AFTPH: variants seen among roughly 807,000 people sequenced by gnomAD.
AFTPH encodes aftiphilin protein.
AFTPH carries 7 observed loss-of-function variants against 72.5 expected under a neutral mutation model. That is an observed-to-expected ratio of 0.10 (90% CI 0.05 to 0.18). The LOEUF (loss-of-function observed/expected upper bound fraction) is 0.18. Ranked by LOEUF, AFTPH falls within the 10% of genes least tolerant of loss-of-function variation. AFTPH has a pLI of 1.00. For missense variants in AFTPH, 979 were observed against 1,060.5 expected, an observed-to-expected ratio of 0.92 and a Z score of 1.07; for synonymous variants, 337 against 370.1, an observed-to-expected ratio of 0.91 and a Z score of 1.03.
At chr2:64,548,910 A>G (rs1163181924) in intron 1 of AFTPH, among the ~76,000 whole-genome samples, 1 of 152,226 alleles carries the variant, frequency 6.6e-6, no homozygotes, top group African/African-American at 2.4e-5. Context: ...AAGTAGATAT[A>G]TTACAATGGA....
chr2:64,531,177 A>G (rs978912873), intron 1 of AFTPH, among the ~76,000 whole-genome samples: 1 of 151,922 alleles, frequency 6.6e-6, no homozygotes. Context: ...GGTTTTCCAG[A>G]TTTTACCATC....
intron 7 of AFTPH, 48 bp downstream of exon 7, chr2:64,579,594 G>A: frequency 6.5e-7 from 1 of 1,526,854 alleles, no homozygotes; most frequent in Non-Finnish European, 9.0e-7. Context: ...AGTTAAGAAA[G>A]CTACAAAGTT....
intron 2 of AFTPH, among the ~76,000 whole-genome samples, chr2:64,563,296 A>G (rs1049075034): frequency 5.3e-5 from 8 of 152,152 alleles, no homozygotes; most frequent in Non-Finnish European, 1.2e-4. Context: ...ATTGTATTGT[A>G]AAACAGATGA....
exon 2 of AFTPH, chr2:64,551,662 A>G: frequency 6.2e-7 from 1 of 1,614,042 alleles, no homozygotes; most frequent in Non-Finnish European, 8.5e-7. Flanking sequence ...GTACCTTCAA[A>G]CCATTTTATG....
chr2:64,549,457 A>G (rs903627336), intron 1 of AFTPH, among the ~76,000 whole-genome samples: 1 of 148,080 alleles, frequency 6.8e-6, no homozygotes, highest in East Asian at 1.9e-4. Context: ...AGTAGCTGAT[A>G]TTACAGATGT....
chr2:64,557,731 C>T (rs1671467772), intron 2 of AFTPH, among the ~76,000 whole-genome samples: 1 of 152,206 alleles, frequency 6.6e-6, no homozygotes, highest in African/African-American at 2.4e-5. Context: ...CCTGTGAACA[C>T]TGGAACATAC....
At chr2:64,537,912 C>T (rs1669979786) in intron 1 of AFTPH, among the ~76,000 whole-genome samples, 1 of 152,128 alleles carries the variant, frequency 6.6e-6, no homozygotes, top group African/African-American at 2.4e-5. Context: ...CTGTTCCCTC[C>T]TCTTGTATGC....
At chr2:64,585,653 G>A in intron 8 of AFTPH, 108 bp downstream of exon 9, 1 of 1,296,296 alleles carries the variant, frequency 7.7e-7, no homozygotes, top group Non-Finnish European at 1.0e-6. Context: ...ATCACAACTT[G>A]CTTTATAAAA....
chr2:64,589,572 T>A (rs559168114), intron 8 of AFTPH, among the ~76,000 whole-genome samples: 24 of 149,972 alleles, frequency 1.6e-4, no homozygotes, highest in African/African-American at 5.2e-4. Context: ...CACAGATAAA[T>A]GCACAAACTA....
chr2:64,547,617 A>G (rs1039893243), intron 1 of AFTPH, among the ~76,000 whole-genome samples: 1 of 152,166 alleles, frequency 6.6e-6, no homozygotes, highest in African/African-American at 2.4e-5. Flanking sequence ...TTACATGTTT[A>G]TATCTGTGAG....
chr2:64,569,836 A>G (rs1672311404), intron 5 of AFTPH, among the ~76,000 whole-genome samples, 157 bp downstream of exon 5: 1 of 152,232 alleles, frequency 6.6e-6, no homozygotes, highest in Non-Finnish European at 1.5e-5. Flanking sequence ...AAATCCCATC[A>G]AATATTGATC....
At chr2:64,551,383 T>G in intron 1 of AFTPH, 60 bp from the exon 2 acceptor site, 1 of 1,327,622 alleles carries the variant, frequency 7.5e-7, no homozygotes, top group East Asian at 2.4e-5. Context: ...GAGAGAATTT[T>G]GAAAGATCTT....
chr2:64,565,991 C>G (rs530988197), intron 2 of AFTPH, among the ~76,000 whole-genome samples: 2 of 152,030 alleles, frequency 1.3e-5, no homozygotes, highest in Non-Finnish European at 2.9e-5. Flanking sequence ...CATTTTTTTC[C>G]TATCCCATTA....
intron 6 of AFTPH, among the ~76,000 whole-genome samples, chr2:64,577,415 TACCATACCC>T (rs1440478007): frequency 6.6e-6 from 1 of 152,340 alleles, no homozygotes; most frequent in East Asian, 1.9e-4. Context: ...GTCTTCAAAA[TACCATACCC>T]CTGTTTGAGC....
chr2:64,592,000 C>T, exon 9 of AFTPH: 1 of 1,613,762 alleles, frequency 6.2e-7, no homozygotes, highest in South Asian at 1.1e-5. Context: ...CACGTTAACA[C>T]CTTCCACAAG....
At chr2:64,524,771 C>T (rs1190275132) in intron 1 of AFTPH, among the ~76,000 whole-genome samples, 159 bp downstream of exon 1, 2 of 152,218 alleles carry the variant, frequency 1.3e-5, no homozygotes, top group Non-Finnish European at 2.9e-5. Flanking sequence ...CCTGCGGGCT[C>T]CCGGCTCTGC....
intron 1 of AFTPH, among the ~76,000 whole-genome samples, chr2:64,538,490 T>C (rs1670009744): frequency 6.6e-6 from 1 of 152,222 alleles, no homozygotes; most frequent in Admixed American, 6.5e-5. Context: ...TTGGAATGTG[T>C]TTATATTTGA....
chr2:64,531,921 ACT>A (rs1328445716), intron 1 of AFTPH, among the ~76,000 whole-genome samples: 5 of 152,148 alleles, frequency 3.3e-5, no homozygotes, highest in African/African-American at 1.2e-4. Flanking sequence ...GATTAACTTA[ACT>A]CTTATAGAAA....
intron 1 of AFTPH, among the ~76,000 whole-genome samples, chr2:64,534,317 CT>C (rs764224304): frequency 6.6e-6 from 1 of 151,756 alleles, no homozygotes; most frequent in South Asian, 2.1e-4. Flanking sequence ...TAATTTAACT[CT>C]TTTTACACTG....
Sources: gnomAD v4.1 joint callset for allele counts (sites outside exome capture counted in the v4.1 genomes callset) on GRCh38, gnomAD v4.1.1 for gene constraint, MANE v1.5 for transcripts, NCBI Gene and HGNC (gene_info 2026-07-23, HGNC 2026-07-21) for gene names.